The following IDE variants were observed in gnomAD, a reference collection of about 807,000 sequenced individuals.
IDE encodes insulin degrading enzyme, also known as insulin-degrading enzyme.
Under a neutral mutation model 133.2 loss-of-function variants are expected in IDE, and 58 were observed. That is an observed-to-expected ratio of 0.44 (90% CI 0.35 to 0.54). IDE has a LOEUF of 0.54. Ranked by LOEUF, IDE falls within the 20% of genes least tolerant of loss-of-function variation. IDE has a pLI of 0.00. For missense variants in IDE, 981 were observed against 1,234.0 expected (o/e 0.79, Z 3.07); for synonymous variants, 396 against 421.3 (o/e 0.94, Z 0.73).
chr10:92,493,749 A>C (rs1847511913), intron 11 of IDE, among the ~76,000 whole-genome samples: 1 of 152,206 alleles, frequency 6.6e-6, no homozygotes, highest in Admixed American at 6.5e-5. Context: ...CAAATACCAG[A>C]CTAACAAAAA....
intron 11 of IDE, among the ~76,000 whole-genome samples, chr10:92,501,469 A>C (rs1848011250): frequency 1.3e-5 from 2 of 149,514 alleles, no homozygotes; most frequent in Non-Finnish European, 3.0e-5. Flanking sequence ...CAAGAGATCG[A>C]GACCATCCTG....
intron 17 of IDE, among the ~76,000 whole-genome samples, chr10:92,474,124 C>T (rs112149872): frequency 0.034 from 5,151 of 152,148 alleles, 138 homozygotes; most frequent in Admixed American, 0.058. Context: ...AGCACAGTGG[C>T]GTAATCATGG....
intron 1 of IDE, among the ~76,000 whole-genome samples, chr10:92,542,042 C>T (rs1842332520): frequency 6.6e-6 from 1 of 152,208 alleles, no homozygotes. Flanking sequence ...CAAACAAACA[C>T]TTAAGGAAGT....
intron 4 of IDE, among the ~76,000 whole-genome samples, chr10:92,517,096 A>T (rs985915941): frequency 1.3e-5 from 2 of 152,172 alleles, no homozygotes; most frequent in African/African-American, 4.8e-5. Context: ...ATGTTCTTGA[A>T]GTGGTTTAAT....
At chr10:92,528,428 C>T (rs1849741468) in intron 4 of IDE, among the ~76,000 whole-genome samples, 1 of 147,902 alleles carries the variant, frequency 6.8e-6, no homozygotes, top group East Asian at 2.0e-4. Context: ...TAATTAAATG[C>T]ATTTAAAGTA....
chr10:92,539,647 C>A (rs1391058691), intron 1 of IDE, among the ~76,000 whole-genome samples: 1 of 151,914 alleles, frequency 6.6e-6, no homozygotes, highest in Non-Finnish European at 1.5e-5. Flanking sequence ...ACCTGTAGTC[C>A]CAGCTACCTG....
chr10:92,523,037 T>G (rs1346968841), intron 4 of IDE, among the ~76,000 whole-genome samples: 1 of 152,100 alleles, frequency 6.6e-6, no homozygotes, highest in East Asian at 1.9e-4. Context: ...GCACTTTACA[T>G]GTAGGGGGAC....
At chr10:92,493,182 T>C (rs1429763033) in intron 11 of IDE, among the ~76,000 whole-genome samples, 2 of 152,150 alleles carry the variant, frequency 1.3e-5, no homozygotes, top group Non-Finnish European at 2.9e-5. Context: ...AGAAATCATA[T>C]AGCTATATGA....
chr10:92,465,979 G>C (rs987638407), intron 19 of IDE, 136 bp from the exon 20 acceptor site: 8 of 717,252 alleles, frequency 1.1e-5, no homozygotes, highest in Non-Finnish European at 1.9e-5. Flanking sequence ...GCCTGGAGTT[G>C]TATTTCATTG....
At chr10:92,521,639 T>C (rs1352428207) in intron 4 of IDE, among the ~76,000 whole-genome samples, 1 of 151,782 alleles carries the variant, frequency 6.6e-6, no homozygotes, top group Non-Finnish European at 1.5e-5. Flanking sequence ...GAAACTAGGA[T>C]TTCAAGACAA....
intron 3 of IDE, 151 bp downstream of exon 3, chr10:92,534,427 C>T (rs1850125368): frequency 1.7e-6 from 1 of 575,454 alleles, no homozygotes; most frequent in Non-Finnish European, 3.0e-6. Flanking sequence ...TATGACATCA[C>T]TCATTTTTTC....
intron 1 of IDE, among the ~76,000 whole-genome samples, chr10:92,555,867 C>T (rs113422340): frequency 1.1e-3 from 174 of 152,152 alleles, no homozygotes; most frequent in African/African-American, 3.6e-3. Context: ...AAATAAACGG[C>T]GTACAAATTA....
intron 1 of IDE, among the ~76,000 whole-genome samples, chr10:92,570,329 G>A (rs1843727226): frequency 6.6e-6 from 1 of 152,192 alleles, no homozygotes; most frequent in Non-Finnish European, 1.5e-5. Context: ...ATTACTGAAA[G>A]CTCCTTGAGG....
chr10:92,569,831 C>T (rs146921312), intron 1 of IDE, among the ~76,000 whole-genome samples: 2 of 152,104 alleles, frequency 1.3e-5, no homozygotes, highest in East Asian at 1.9e-4. Context: ...AAAGTTATTC[C>T]GAGCGCAGTG....
intron 22 of IDE, among the ~76,000 whole-genome samples, chr10:92,457,210 C>A (rs887698386): frequency 2.0e-5 from 3 of 152,100 alleles, no homozygotes; most frequent in Non-Finnish European, 4.4e-5. Context: ...GGGACAAGCA[C>A]GAGTGCCTGC....
chr10:92,477,152 A>G (rs1334079973), intron 15 of IDE, among the ~76,000 whole-genome samples: 1 of 140,240 alleles, frequency 7.1e-6, no homozygotes, highest in Non-Finnish European at 1.6e-5. Flanking sequence ...ACCTTGGCTT[A>G]GCACATTTTT....
intron 6 of IDE, 50 bp from the exon 7 acceptor site, chr10:92,508,940 A>G: frequency 7.2e-7 from 1 of 1,393,352 alleles, no homozygotes; most frequent in Non-Finnish European, 1.0e-6. Flanking sequence ...CCTACTGAAG[A>G]AAATATTTCT....
chr10:92,556,922 CAAAA>C (rs375189780), intron 1 of IDE, among the ~76,000 whole-genome samples: 2 of 83,092 alleles, frequency 2.4e-5, no homozygotes, highest in Admixed American at 1.2e-4. Flanking sequence ...GACTCCGCCT[CAAAA>C]AAAAAAAAAA....
At chr10:92,465,329 C>T (rs1431581446) in intron 20 of IDE, among the ~76,000 whole-genome samples, 1 of 152,162 alleles carries the variant, frequency 6.6e-6, no homozygotes, top group Non-Finnish European at 1.5e-5. Context: ...TAATACCTGC[C>T]CTCAAGGAAC....
Sources: allele counts gnomAD v4.1 joint callset (sites outside exome capture counted in the v4.1 genomes callset), GRCh38; gene constraint gnomAD v4.1.1; transcripts MANE v1.5; gene names NCBI Gene and HGNC (gene_info 2026-07-23, HGNC 2026-07-21).